MACROD2: variants seen among roughly 807,000 people sequenced by gnomAD.
MACROD2 encodes mono-ADP ribosylhydrolase 2.
In MACROD2, 36 loss-of-function variants were observed where a neutral mutation model predicts 70.4. The observed-to-expected ratio is 0.51, with a 90% CI of 0.39 to 0.68. MACROD2 has a LOEUF of 0.68. Ranked by LOEUF, MACROD2 falls within the 30% of genes least tolerant of loss-of-function variation. MACROD2 has a pLI of 0.00. For synonymous variants in MACROD2, 172 were observed against 178.8 expected (o/e 0.96, Z 0.30); for missense variants, 496 against 538.4 (o/e 0.92, Z 0.78).
At chr20:14,647,826 T>TG (rs1431868809) in intron 4 of MACROD2, among the ~76,000 whole-genome samples, 3 of 152,138 alleles carry the variant, frequency 2.0e-5, no homozygotes, top group African/African-American at 7.2e-5. Context: ...TCATTTTTTT[T>TG]CCATTGTCCC....
chr20:15,526,095 G>T (rs142332870), intron 8 of MACROD2, among the ~76,000 whole-genome samples: 1 of 152,092 alleles, frequency 6.6e-6, no homozygotes, highest in Non-Finnish European at 1.5e-5. Flanking sequence ...AAGGATGTAC[G>T]GCATTACTGT....
At chr20:15,369,562 A>G (rs2045461964) in intron 6 of MACROD2, among the ~76,000 whole-genome samples, 1 of 152,220 alleles carries the variant, frequency 6.6e-6, no homozygotes, top group Non-Finnish European at 1.5e-5. Flanking sequence ...TTTAAATTAC[A>G]AAGAAATTCC....
intron 3 of MACROD2, among the ~76,000 whole-genome samples, chr20:14,226,330 A>C (rs2081733113): frequency 6.6e-6 from 1 of 152,126 alleles, no homozygotes. Flanking sequence ...AATGCTGGTG[A>C]GAGGTGACAG....
At chr20:15,842,803 G>T (rs6034304) in intron 8 of MACROD2, among the ~76,000 whole-genome samples, 131,380 of 151,848 alleles carry the variant, frequency 0.87, 57,119 homozygotes, top group East Asian at 0.99. Flanking sequence ...ATATACCACA[G>T]CTATAAGGCA....
intron 3 of MACROD2, among the ~76,000 whole-genome samples, chr20:14,123,451 G>A (rs2054609167): frequency 6.6e-6 from 1 of 152,122 alleles, no homozygotes; most frequent in Admixed American, 6.6e-5. Flanking sequence ...CCATGGTAAA[G>A]ATGTAGGGAA....
At chr20:15,688,686 T>C (rs573999803) in intron 8 of MACROD2, among the ~76,000 whole-genome samples, 1 of 152,332 alleles carries the variant, frequency 6.6e-6, no homozygotes, top group Non-Finnish European at 1.5e-5. Context: ...ATGCATACAA[T>C]GTGCGTGAAC....
intron 5 of MACROD2, among the ~76,000 whole-genome samples, chr20:14,965,177 G>A (rs1271964040): frequency 6.6e-6 from 1 of 152,098 alleles, no homozygotes; most frequent in South Asian, 2.1e-4. Flanking sequence ...TGTGGTGATT[G>A]TTAAGAAGCA....
chr20:16,034,866 C>A (rs919411813), intron 15 of MACROD2, among the ~76,000 whole-genome samples: 2 of 151,094 alleles, frequency 1.3e-5, no homozygotes, highest in African/African-American at 2.4e-5. Context: ...TATGCCTTTG[C>A]GTCCTCATAG....
At chr20:15,151,802 C>T (rs2076271872) in intron 5 of MACROD2, among the ~76,000 whole-genome samples, 1 of 151,750 alleles carries the variant, frequency 6.6e-6, no homozygotes, top group African/African-American at 2.4e-5. Context: ...AGTCATGGAA[C>T]GAAACTGTAA....
At chr20:15,571,658 C>A (rs144388106) in intron 8 of MACROD2, among the ~76,000 whole-genome samples, 1 of 151,948 alleles carries the variant, frequency 6.6e-6, no homozygotes. Flanking sequence ...TTTGAGAGGG[C>A]CCCAAATGAT....
intron 4 of MACROD2, among the ~76,000 whole-genome samples, chr20:14,557,966 C>T (rs1411140776): frequency 6.6e-6 from 1 of 151,744 alleles, no homozygotes; most frequent in Non-Finnish European, 1.5e-5. Flanking sequence ...AATGGAACAA[C>T]TTAAATGTCC....
intron 15 of MACROD2, among the ~76,000 whole-genome samples, chr20:15,990,363 C>A (rs1352318768): frequency 1.3e-5 from 2 of 152,054 alleles, no homozygotes; most frequent in Non-Finnish European, 2.9e-5. Context: ...GTTATTTGGG[C>A]AAATTTAGAA....
chr20:15,533,583 T>TCTC (rs1568873661), intron 8 of MACROD2, among the ~76,000 whole-genome samples: 1 of 140,220 alleles, frequency 7.1e-6, no homozygotes, highest in Non-Finnish European at 1.6e-5. Context: ...CTCTCTCTCT[T>TCTC]TTTAAGAAGA....
At chr20:15,944,130 C>T (rs1282831607) in intron 12 of MACROD2, among the ~76,000 whole-genome samples, 1 of 152,056 alleles carries the variant, frequency 6.6e-6, no homozygotes, top group Non-Finnish European at 1.5e-5. Context: ...TAGAAAAATG[C>T]AGTGCCTACA....
At chr20:14,791,396 C>T (rs552976700) in intron 5 of MACROD2, among the ~76,000 whole-genome samples, 7 of 151,920 alleles carry the variant, frequency 4.6e-5, no homozygotes, top group Non-Finnish European at 8.8e-5. Flanking sequence ...TTTACAGAGG[C>T]GTTATTGAGA....
At chr20:15,340,126 CTTTCTTTTTTTTTT>C (rs368515977) in intron 6 of MACROD2, among the ~76,000 whole-genome samples, 15,812 of 91,598 alleles carry the variant, frequency 0.17, 1,366 homozygotes, top group Middle Eastern at 0.31. Flanking sequence ...TTCTTTCTTT[CTTTCTTTTTTTTTT>C]TTTTTTTTTT....
intron 4 of MACROD2, among the ~76,000 whole-genome samples, chr20:14,520,712 G>A (rs967058258): frequency 2.0e-5 from 3 of 152,126 alleles, no homozygotes; most frequent in African/African-American, 7.2e-5. Flanking sequence ...TCCCCAGGTA[G>A]AGCTGACTCT....
At chr20:15,964,435 T>A (rs74615568) in intron 12 of MACROD2, among the ~76,000 whole-genome samples, 1,684 of 152,216 alleles carry the variant, frequency 0.011, 27 homozygotes, top group African/African-American at 0.038. Flanking sequence ...CCTTTTTAAA[T>A]CTTTTTATAA....
chr20:14,091,627 A>G (rs548196172), intron 3 of MACROD2, among the ~76,000 whole-genome samples: 3 of 152,154 alleles, frequency 2.0e-5, no homozygotes, highest in Middle Eastern at 3.4e-3. Flanking sequence ...CAATCAAAAT[A>G]ATAATAATAA....
Sources: gnomAD v4.1 joint callset for allele counts (sites outside exome capture counted in the v4.1 genomes callset) on GRCh38, gnomAD v4.1.1 for gene constraint, MANE v1.5 for transcripts, NCBI Gene and HGNC (gene_info 2026-07-23, HGNC 2026-07-21) for gene names.